Variants in LAMB4 observed in about 807,000 individuals in gnomAD.
LAMB4 encodes laminin subunit beta-4.
In LAMB4, 196 loss-of-function variants were observed where a neutral mutation model predicts 199.2. That is an observed-to-expected ratio of 0.98 (90% CI 0.88 to 1.11). The LOEUF (loss-of-function observed/expected upper bound fraction) is 1.11. Ranked by LOEUF, LAMB4 falls within the 50% of genes least tolerant of loss-of-function variation. LAMB4 has a pLI of 0.00. For synonymous variants in LAMB4, 744 were observed against 770.6 expected (o/e 0.97, Z 0.57); for missense variants, 2,080 against 2,171.2 (o/e 0.96, Z 0.83).
chr7:108,100,195 T>C (rs2037768444), intron 10 of LAMB4, among the ~76,000 whole-genome samples: 1 of 152,230 alleles, frequency 6.6e-6, no homozygotes, highest in Admixed American at 6.5e-5. Context: ...AGAAGTCTAA[T>C]TGAATGTCTT....
At chr7:108,106,968 G>A (rs2038041903) in intron 6 of LAMB4, among the ~76,000 whole-genome samples, 1 of 152,150 alleles carries the variant, frequency 6.6e-6, no homozygotes, top group Non-Finnish European at 1.5e-5. Flanking sequence ...GTTAGCATAT[G>A]AATAGAAGTA....
chr7:108,079,674 G>A lies in LAMB4; in HGVS notation c.1814C>T (p.Ala605Val). The A allele has an allele frequency of 1.9e-6, 3 of 1,613,162 alleles. No individual in the cohort carries two copies. The highest frequency in any genetic ancestry group is 3.3e-5 in the Admixed American group (2 of 59,860). The change falls in exon 15 of 34, where the codon GCT becomes GTT. Residue 605 changes from alanine (A) to valine (V), a missense_variant. Coordinates refer to ENST00000388781, the MANE Select transcript of LAMB4 (RefSeq NM_007356.3). ...GTTGTTGACAGCAAATCTCAAGCCA[G>A]CCCCAGGGAGAACCCTGGCAAATCC... ...GPGFARVLPG[A>V]GLRFAVNNIP...
Position 108,055,900 on chromosome 7 carries a change from G to T in LAMB4, c.3487C>A (p.Arg1163=), listed in dbSNP as rs59354040. 1.2e-3 allele frequency: 1,901 copies of T among 1,614,136 alleles called. 20 individuals are homozygous for T. The African/African-American group carries it at 0.023, about 19-fold the overall frequency. The change falls in exon 25 of 34, where the codon CGG becomes AGG. Residue 1163 remains arginine (R), a synonymous_variant. Transcript: ENST00000388781. ...GTAGGGAATTCCTGGCTGTGTCCCC[G>T]GGCACAGCGATCACATCTCTGGCCG... is the stretch of plus-strand genomic sequence containing the variant. ...VSGQRCDRCA[R]GHSQEFPTCL... is the part of the protein sequence containing the mutation.
intron 26 of LAMB4, 66 bp downstream of exon 26, chr7:108,052,031 A>G: frequency 2.9e-6 from 4 of 1,366,382 alleles, no homozygotes; most frequent in Non-Finnish European, 4.0e-6. Context: ...CGACTCACTA[A>G]TGGAATGCAC....
intron 18 of LAMB4, 31 bp from the exon 19 acceptor site, chr7:108,068,190 T>C: frequency 6.2e-7 from 1 of 1,611,846 alleles, no homozygotes; most frequent in Non-Finnish European, 8.5e-7. Context: ...GAGGTAGAAA[T>C]GAATGAAGAG....
intron 29 of LAMB4, among the ~76,000 whole-genome samples, chr7:108,038,585 T>A (rs1469468194): frequency 6.6e-6 from 1 of 152,266 alleles, no homozygotes; most frequent in African/African-American, 2.4e-5. Context: ...GGGCCACATG[T>A]GGCCCAGGAC....
chr7:108,093,896 A>T (rs951765407), intron 12 of LAMB4, among the ~76,000 whole-genome samples: 1 of 152,230 alleles, frequency 6.6e-6, no homozygotes, highest in Non-Finnish European at 1.5e-5. Flanking sequence ...AAAGGACTTG[A>T]TGTTTTTCCC....
chr7:108,038,560 C>T (rs372518442), intron 29 of LAMB4, among the ~76,000 whole-genome samples: 4 of 152,214 alleles, frequency 2.6e-5, no homozygotes, highest in African/African-American at 7.2e-5. Context: ...CAAGCTTGTT[C>T]GACCCACAGC....
At chr7:108,104,394 C>T in intron 9 of LAMB4, 105 bp downstream of exon 9, 1 of 1,376,904 alleles carries the variant, frequency 7.3e-7, no homozygotes, top group Non-Finnish European at 1.0e-6. Flanking sequence ...GGAGGACAGC[C>T]TCCCCACTTT....
chr7:108,059,240 G>T (rs2036083963), intron 23 of LAMB4, among the ~76,000 whole-genome samples: 1 of 151,710 alleles, frequency 6.6e-6, no homozygotes, highest in East Asian at 1.9e-4. Context: ...CGAGTAGCTG[G>T]GACTACAGGC....
intron 31 of LAMB4, among the ~76,000 whole-genome samples, chr7:108,033,512 G>A (rs1468296900): frequency 1.3e-5 from 2 of 152,092 alleles, no homozygotes; most frequent in African/African-American, 4.8e-5. Context: ...CTGGAGGAGC[G>A]ATTCTGTTGC....
chr7:108,123,751 T>C (rs549068836), intron 1 of LAMB4, among the ~76,000 whole-genome samples: 3 of 152,354 alleles, frequency 2.0e-5, no homozygotes, highest in African/African-American at 7.2e-5. Context: ...TCACACTGTT[T>C]TCTTATTTCG....
At chr7:108,043,326 A>AT (rs1563040498) in intron 29 of LAMB4, among the ~76,000 whole-genome samples, 2 of 152,262 alleles carry the variant, frequency 1.3e-5, no homozygotes, top group East Asian at 3.9e-4. Context: ...CTTAAAAAAA[A>AT]CATAAAATAA....
At chr7:108,053,335 G>A (rs144334482) in intron 25 of LAMB4, among the ~76,000 whole-genome samples, 30 of 152,306 alleles carry the variant, frequency 2.0e-4, no homozygotes, top group African/African-American at 6.3e-4. Flanking sequence ...GACACCTGGG[G>A]TTCTTTGTCC....
At chr7:108,102,614 TATTTC>T (rs1160617603) in intron 10 of LAMB4, among the ~76,000 whole-genome samples, 2 of 152,206 alleles carry the variant, frequency 1.3e-5, no homozygotes, top group Non-Finnish European at 2.9e-5. Context: ...ATGCTTGAAA[TATTTC>T]ATTTAAGAAG....
Position 108,129,850 on chromosome 7 carries a change from A to G in LAMB4, c.-34+456T>C, listed in dbSNP as rs976528361. 8.5e-5 allele frequency among the ~76,000 whole-genome samples: 13 copies of G among 152,364 alleles called. No homozygotes were observed. In the East Asian group the frequency reaches 1.3e-3, roughly 16 times the overall value. On this transcript the variant is annotated intron_variant, in intron 1 of 33. Transcript: ENST00000388781. Reference sequence around the variant, plus strand: ...GGCCAAGTTTATGTTTCTTTTAGTTATAGCAGACTTGCTTTTCTTAAAACA... The same window carrying G: ...GGCCAAGTTTATGTTTCTTTTAGTTGTAGCAGACTTGCTTTTCTTAAAACA...
At chr7:108,106,593 C>G (rs937533706) in intron 6 of LAMB4, 21 bp from the exon 7 acceptor site, 2 of 1,293,060 alleles carry the variant, frequency 1.5e-6, no homozygotes, top group Non-Finnish European at 1.1e-6. Context: ...AATATAGATA[C>G]ATTTATAGTA....
At position 108,055,530 on chromosome 7, in the gene LAMB4, A is replaced by C. The variant is rs895209779; in HGVS notation, c.3755+102T>G. On this transcript the variant is annotated intron_variant, in intron 25 of 33. Coordinates refer to ENST00000388781, the MANE Select transcript of LAMB4 (RefSeq NM_007356.3). ...AACAACTATCAGTCCCCTAAAGTCA[A>C]CATAGGTACATTTCTAAATTGAAGG... 1.1e-5 allele frequency: 14 copies of C among 1,247,056 alleles called. No individual in the cohort carries two copies. The African/African-American group carries it at 1.5e-4, about 13-fold the overall frequency. 77.2% of individuals were successfully genotyped at this position (1,247,056 alleles called of 1,614,324 possible).
intron 31 of LAMB4, among the ~76,000 whole-genome samples, chr7:108,032,695 C>CGT (rs3050225): frequency 0.11 from 15,993 of 144,372 alleles, 985 homozygotes; most frequent in Non-Finnish European, 0.15. Flanking sequence ...TGTGTGTTTG[C>CGT]GTGTGTGTGT....
Sources: allele counts gnomAD v4.1 joint callset (sites outside exome capture counted in the v4.1 genomes callset), GRCh38; gene constraint gnomAD v4.1.1; transcripts MANE v1.5; gene names NCBI Gene and HGNC (gene_info 2026-07-23, HGNC 2026-07-21).